The following CLMP variants were observed in gnomAD, a reference collection of about 807,000 sequenced individuals.
CLMP encodes the protein CXADR like cell adhesion molecule.
A neutral mutation model predicts 45.2 loss-of-function variants in CLMP; 27 were observed. That is an observed-to-expected ratio of 0.60 (90% CI 0.44 to 0.82). CLMP has a LOEUF of 0.82. Among genes scored for constraint, CLMP ranks in the 40% least tolerant of loss-of-function variants. CLMP has a pLI of 0.00. For missense variants in CLMP, 403 were observed against 448.4 expected (o/e 0.90, Z 0.91); for synonymous variants, 167 against 171.4 (o/e 0.97, Z 0.20).
rs1449546454 is a variant in CLMP, at chr11:123,152,460, T to G, written c.28+42453A>C. Among the ~76,000 whole-genome samples, 7 of 151,664 alleles carry G rather than the reference T, an allele frequency of 4.6e-5. No homozygotes were observed. The East Asian group carries it at 9.7e-4, about 21-fold the overall frequency. ...ATCACTTGAACCCGGGAGGTAGAGG[T>G]TGCAGTGAGCCGAGATCGTGCCACT... On this transcript the variant is annotated intron_variant, in intron 1 of 6. Coordinates refer to ENST00000448775, the MANE Select transcript of CLMP (RefSeq NM_024769.5).
intron 1 of CLMP, among the ~76,000 whole-genome samples, chr11:123,182,106 C>T (rs1861777143): frequency 6.6e-6 from 1 of 152,166 alleles, no homozygotes; most frequent in Non-Finnish European, 1.5e-5. Flanking sequence ...TAGAGCAAAA[C>T]ATTAACAAAA....
rs1861965139 is a variant in CLMP, at chr11:123,195,137, A to G, written c.-197T>C. 2 of 315,444 alleles carry G rather than the reference A, an allele frequency of 6.3e-6. No individual in the cohort carries two copies. Among genetic ancestry groups the G allele is most frequent in the South Asian group, 3.0e-4 (2 of 6,564 alleles). The allele number at this position is 315,444 out of a possible 1,614,324, so 19.5% of individuals were successfully genotyped here. Reference sequence around the variant, plus strand: ...CAGATGGGCTCCCGGCGCTCGCCCCACCAGCTGGCGCCCGGACGGGAGCCG... The same window carrying G: ...CAGATGGGCTCCCGGCGCTCGCCCCGCCAGCTGGCGCCCGGACGGGAGCCG... On this transcript the variant is annotated 5_prime_UTR_variant, in exon 1 of 7. Coordinates refer to ENST00000448775, the MANE Select transcript of CLMP (RefSeq NM_024769.5).
intron 2 of CLMP, among the ~76,000 whole-genome samples, chr11:123,092,907 C>CTT (rs201940583): frequency 6.2e-5 from 8 of 128,218 alleles, no homozygotes; most frequent in Non-Finnish European, 8.1e-5. Flanking sequence ...CTGACACACA[C>CTT]TTTTTTTTTT....
intron 1 of CLMP, chr11:123,136,354 A>G: frequency 1.7e-6 from 1 of 572,426 alleles, no homozygotes; most frequent in South Asian, 1.6e-5. Context: ...CCTCACTTTC[A>G]TATTCTTGGG....
At chr11:123,142,503 G>A (rs531162853) in intron 1 of CLMP, among the ~76,000 whole-genome samples, 1 of 152,148 alleles carries the variant, frequency 6.6e-6, no homozygotes, top group Admixed American at 6.6e-5. Context: ...TATAGTAAGC[G>A]GCTTTGACCT....
At chr11:123,163,913 G>T (rs1246513111) in intron 1 of CLMP, among the ~76,000 whole-genome samples, 1 of 152,104 alleles carries the variant, frequency 6.6e-6, no homozygotes, top group Non-Finnish European at 1.5e-5. Flanking sequence ...CAGTGGAGCC[G>T]CTCAATCACA....
chr11:123,112,186 A>T (rs1860648161), intron 1 of CLMP, among the ~76,000 whole-genome samples: 2 of 152,108 alleles, frequency 1.3e-5, no homozygotes, highest in African/African-American at 2.4e-5. Context: ...TTCAAGCTTA[A>T]AGTTTAGTTT....
At chr11:123,095,561 C>T (rs1048197728) in intron 2 of CLMP, among the ~76,000 whole-genome samples, 3 of 152,096 alleles carry the variant, frequency 2.0e-5, no homozygotes, top group Non-Finnish European at 4.4e-5. Context: ...TGAGCCACCG[C>T]ACCTGGCCAA....
intron 2 of CLMP, among the ~76,000 whole-genome samples, chr11:123,089,358 CA>C (rs138381305): frequency 1.0e-4 from 15 of 144,820 alleles, no homozygotes; most frequent in East Asian, 2.0e-4. Context: ...GCACTTCAGT[CA>C]AAAAAAAAAG....
intron 1 of CLMP, among the ~76,000 whole-genome samples, chr11:123,128,345 C>T (rs2135506133): frequency 7.6e-6 from 1 of 132,324 alleles, no homozygotes; most frequent in Non-Finnish European, 1.6e-5. Flanking sequence ...GCCTGTAATC[C>T]TGGCATGGTG....
At chr11:123,145,452 G>GTTTTT (rs66487810) in intron 1 of CLMP, among the ~76,000 whole-genome samples, 9 of 61,802 alleles carry the variant, frequency 1.5e-4, no homozygotes, top group African/African-American at 4.2e-4. Flanking sequence ...CTCTGCGGCT[G>GTTTTT]TTTTTTTTTT....
intron 1 of CLMP, among the ~76,000 whole-genome samples, chr11:123,114,012 A>C (rs1189866078): frequency 1.3e-5 from 2 of 152,214 alleles, no homozygotes; most frequent in Admixed American, 1.3e-4. Context: ...TCAGAGATCC[A>C]GATCTCATGC....
At chr11:123,158,013 C>A (rs1334070713) in intron 1 of CLMP, among the ~76,000 whole-genome samples, 1 of 152,144 alleles carries the variant, frequency 6.6e-6, no homozygotes, top group East Asian at 1.9e-4. Context: ...CTGCACAAAA[C>A]CCCCAGTTTC....
chr11:123,149,613 A>G (rs1427173104), intron 1 of CLMP, among the ~76,000 whole-genome samples: 1 of 152,118 alleles, frequency 6.6e-6, no homozygotes, highest in Non-Finnish European at 1.5e-5. Flanking sequence ...GTCAATCTTG[A>G]GTTCTGTGTC....
intron 1 of CLMP, among the ~76,000 whole-genome samples, chr11:123,180,809 G>C (rs533618242): frequency 1.3e-5 from 2 of 152,120 alleles, no homozygotes; most frequent in Admixed American, 6.5e-5. Flanking sequence ...CTGGGCAAGG[G>C]AAAAACAAGC....
intron 1 of CLMP, among the ~76,000 whole-genome samples, chr11:123,115,885 A>G (rs945491771): frequency 6.6e-6 from 1 of 152,180 alleles, no homozygotes; most frequent in Admixed American, 6.5e-5. Flanking sequence ...CAGGAATCTG[A>G]GCATGGCTTA....
intron 1 of CLMP, among the ~76,000 whole-genome samples, chr11:123,111,677 T>C (rs1860640987): frequency 6.6e-6 from 1 of 152,178 alleles, no homozygotes; most frequent in Non-Finnish European, 1.5e-5. Flanking sequence ...ACAGACTACT[T>C]TGGATTTAAG....
At chr11:123,163,192 T>A (rs919332121) in intron 1 of CLMP, among the ~76,000 whole-genome samples, 3 of 151,956 alleles carry the variant, frequency 2.0e-5, no homozygotes, top group Non-Finnish European at 4.4e-5. Context: ...TCCTGAGAGT[T>A]CCCATTGAAA....
intron 1 of CLMP, among the ~76,000 whole-genome samples, chr11:123,183,257 G>A (rs1301265466): frequency 6.6e-6 from 1 of 152,150 alleles, no homozygotes; most frequent in African/African-American, 2.4e-5. Context: ...GTTTGACAGA[G>A]TCTTGCTCTG....
Sources: allele counts gnomAD v4.1 joint callset (sites outside exome capture counted in the v4.1 genomes callset), GRCh38; gene constraint gnomAD v4.1.1; transcripts MANE v1.5; gene names NCBI Gene and HGNC (gene_info 2026-07-23, HGNC 2026-07-21).